The following ANKRD36C variants were observed in gnomAD, a reference collection of about 807,000 sequenced individuals.
ANKRD36C encodes ankyrin repeat domain 36C.
In ANKRD36C, 61 loss-of-function variants were observed where a neutral mutation model predicts 276.4. The observed-to-expected ratio is 0.22, with a 90% CI of 0.18 to 0.27. The LOEUF (loss-of-function observed/expected upper bound fraction) is 0.27. ANKRD36C is among the 10% of genes least tolerant of loss of function. ANKRD36C has a pLI of 1.00. For synonymous variants in ANKRD36C, 483 were observed against 680.1 expected (o/e 0.71, Z 4.51); for missense variants, 1,447 against 2,032.3 (o/e 0.71, Z 5.54).
At chr2:95,974,995 A>C (rs1383289957) in intron 6 of ANKRD36C, among the ~76,000 whole-genome samples, 1 of 151,900 alleles carries the variant, frequency 6.6e-6, no homozygotes, top group Admixed American at 6.6e-5. Flanking sequence ...ATCATTTCTT[A>C]TGGCTGCATA....
At chr2:95,888,556 C>T (rs1486166549) in intron 48 of ANKRD36C, among the ~76,000 whole-genome samples, 1 of 151,606 alleles carries the variant, frequency 6.6e-6, no homozygotes, top group Non-Finnish European at 1.5e-5. Context: ...TTTAACTTGC[C>T]CAATAACTGA....
chr2:95,990,192 T>C (rs1409398882), intron 1 of ANKRD36C, among the ~76,000 whole-genome samples: 9 of 152,240 alleles, frequency 5.9e-5, no homozygotes, highest in Admixed American at 5.9e-4. Context: ...CATAACGAAC[T>C]TATTTCTGTG....
At chr2:95,930,469 G>A (rs1204218465) in intron 24 of ANKRD36C, among the ~76,000 whole-genome samples, 1 of 151,642 alleles carries the variant, frequency 6.6e-6, no homozygotes, top group Non-Finnish European at 1.5e-5. Flanking sequence ...GAAGACTCCT[G>A]ATGTTTCTAC....
rs564675068 is a variant in ANKRD36C, at chr2:95,930,717, T to C, written c.1736-1450A>G. On this transcript the variant is annotated intron_variant, in intron 24 of 66. Coordinates refer to ENST00000456556, the Ensembl canonical transcript of ANKRD36C. ...AGTTATCTGTTTAGTACTCTTAAAA[T>C]ACATTCTTTGATTCCTTTTTTTTAA... Among the ~76,000 whole-genome samples the C allele has an allele frequency of 2.4e-4, 36 of 151,714 alleles. 1 individual carries two copies. In the Middle Eastern group the frequency reaches 0.014, roughly 57 times the overall value.
intron 61 of ANKRD36C, among the ~76,000 whole-genome samples, chr2:95,858,848 T>C (rs1212394958): frequency 6.6e-6 from 1 of 152,132 alleles, no homozygotes; most frequent in African/African-American, 2.4e-5. Flanking sequence ...TTATAACCAA[T>C]TGTAAAATCT....
At chr2:95,951,468 A>T in intron 14 of ANKRD36C, 60 bp from the exon 15 acceptor site, 1 of 1,233,528 alleles carries the variant, frequency 8.1e-7, no homozygotes, top group African/African-American at 1.5e-5. Flanking sequence ...TAAGGATAAT[A>T]CCCACCATTA....
Position 95,893,543 on chromosome 2 carries a change from T to A in ANKRD36C, c.2756-1683A>T, listed in dbSNP as rs1357524496. ...TGTTTTCAAAATTACCTGTTCTAGATTTTTCTCCATCCTTTTTTTCTCTGG... is the reference window on the plus strand; with the variant it reads ...TGTTTTCAAAATTACCTGTTCTAGAATTTTCTCCATCCTTTTTTTCTCTGG... On this transcript the variant is annotated intron_variant, in intron 44 of 66. Transcript: ENST00000456556. 3.2e-6 allele frequency: 5 copies of A among 1,546,832 alleles called. No homozygotes were observed. The East Asian group carries it at 1.2e-4, about 38-fold the overall frequency.
chr2:95,923,823 C>T (rs1451817089), intron 30 of ANKRD36C, 134 bp from the exon 31 acceptor site: 1 of 1,321,898 alleles, frequency 7.6e-7, no homozygotes, highest in African/African-American at 1.5e-5. Flanking sequence ...TGTCTGGGGA[C>T]TGGAACATGA....
At chr2:95,929,869 C>G (rs1343216524) in intron 24 of ANKRD36C, among the ~76,000 whole-genome samples, 1 of 151,426 alleles carries the variant, frequency 6.6e-6, no homozygotes, top group Non-Finnish European at 1.5e-5. Context: ...AATAATGTGC[C>G]TATATCTCTT....
At chr2:95,955,946 G>C (rs567145421) in intron 13 of ANKRD36C, among the ~76,000 whole-genome samples, 1 of 151,754 alleles carries the variant, frequency 6.6e-6, no homozygotes, top group African/African-American at 2.4e-5. Flanking sequence ...TACAAAAGAA[G>C]GTCTTAAACC....
chr2:95,887,163 C>T (rs2463567), intron 50 of ANKRD36C, among the ~76,000 whole-genome samples: 1 of 151,590 alleles, frequency 6.6e-6, no homozygotes, highest in African/African-American at 2.4e-5. Flanking sequence ...CCAAGAGTCA[C>T]CTCTTTGATC....
intron 26 of ANKRD36C, 43 bp from the exon 27 acceptor site, chr2:95,927,452 G>C: frequency 1.4e-5 from 22 of 1,603,752 alleles, no homozygotes; most frequent in Non-Finnish European, 1.9e-5. Context: ...ATGTACATAT[G>C]ATAAATTTAT....
At chr2:95,933,724 C>T in intron 24 of ANKRD36C, among the ~76,000 whole-genome samples, 1 of 152,236 alleles carries the variant, frequency 6.6e-6, no homozygotes, top group Admixed American at 6.5e-5. Flanking sequence ...TCTGCAGAGA[C>T]AATTTGACTT....
chr2:95,889,465 T>A (rs1300073660), intron 48 of ANKRD36C, among the ~76,000 whole-genome samples: 1 of 151,540 alleles, frequency 6.6e-6, no homozygotes, highest in Non-Finnish European at 1.5e-5. Context: ...CTCTAATATC[T>A]ATTACTTCAT....
At chr2:95,959,080 A>C (rs1395077640) in intron 10 of ANKRD36C, among the ~76,000 whole-genome samples, 57 of 150,870 alleles carry the variant, frequency 3.8e-4, no homozygotes, top group African/African-American at 1.4e-3. Flanking sequence ...GATGAGGACA[A>C]ATGTGATCTA....
chr2:95,946,156 G>GAAAAAAAAAA (rs56964568), intron 17 of ANKRD36C, among the ~76,000 whole-genome samples: 46 of 73,280 alleles, frequency 6.3e-4, no homozygotes, highest in East Asian at 8.9e-4. Flanking sequence ...ACAGAGAGAG[G>GAAAAAAAAAA]AAAAAAAAAA....
chr2:95,972,001 G>A (rs929528371), intron 6 of ANKRD36C, among the ~76,000 whole-genome samples: 6 of 152,108 alleles, frequency 3.9e-5, no homozygotes, highest in Non-Finnish European at 8.8e-5. Context: ...ACCATGCTAT[G>A]TTATATTACC....
chr2:95,917,509 T>G (rs1162585873), intron 36 of ANKRD36C, among the ~76,000 whole-genome samples: 1 of 151,556 alleles, frequency 6.6e-6, no homozygotes, highest in Non-Finnish European at 1.5e-5. Context: ...CTGTAAAATC[T>G]ATACTTCCTC....
intron 28 of ANKRD36C, 32 bp from the exon 29 acceptor site, chr2:95,925,579 T>C (rs1484794650): frequency 2.0e-6 from 3 of 1,527,400 alleles, no homozygotes; most frequent in African/African-American, 1.4e-5. Flanking sequence ...TAATTCATCA[T>C]ATGTAAATAT....
Sources: gnomAD v4.1 joint callset for allele counts (sites outside exome capture counted in the v4.1 genomes callset) on GRCh38, gnomAD v4.1.1 for gene constraint, MANE v1.5 for transcripts, NCBI Gene and HGNC (gene_info 2026-07-23, HGNC 2026-07-21) for gene names.